COLEC12: variants seen among roughly 807,000 people sequenced by gnomAD.
COLEC12 encodes the protein collectin-12.
Under a neutral mutation model 71.1 loss-of-function variants are expected in COLEC12, and 33 were observed. That is an observed-to-expected ratio of 0.46 (90% CI 0.35 to 0.62). The LOEUF (loss-of-function observed/expected upper bound fraction) is 0.62. Ranked by LOEUF, COLEC12 falls within the 20% of genes least tolerant of loss-of-function variation. The probability of loss-of-function intolerance (pLI) is 0.00; values close to 1 mark genes in which losing one functional copy is unlikely to be tolerated. For missense variants in COLEC12, 765 were observed against 916.1 expected, an observed-to-expected ratio of 0.84 and a Z score of 2.13; for synonymous variants, 350 against 353.0, an observed-to-expected ratio of 0.99 and a Z score of 0.10.
chr18:394,910 A>G (rs1447409943), intron 2 of COLEC12, among the ~76,000 whole-genome samples: 1 of 152,244 alleles, frequency 6.6e-6, no homozygotes, highest in African/African-American at 2.4e-5. Flanking sequence ...TGTTGATGCC[A>G]ACTCAGTAAA....
Position 335,079 on chromosome 18 carries a change from G to A in COLEC12, c.1479C>T (p.Pro493=), listed in dbSNP as rs770196943. The stretch of plus-strand genomic sequence containing the variant: ...TAGATCCTTTGCCGCCACGCTCTCC[G>A]GGGGGACCAGCTGGTCCAATTGGGC... The part of the protein sequence containing the change: ...ERGPIGPAGP[P]GERGGKGSKG... Residue 493 remains proline, a synonymous_variant, in exon 6 of 10, where the codon CCC becomes CCT. Transcript: ENST00000400256. 1.8e-5 allele frequency: 29 copies of A among 1,610,104 alleles called. No homozygotes were observed. Among genetic ancestry groups the A allele is most frequent in the Admixed American group, 6.7e-5 (4 of 59,358 alleles).
intron 2 of COLEC12, among the ~76,000 whole-genome samples, chr18:436,356 T>C (rs1381305339): frequency 3.3e-5 from 5 of 151,794 alleles, no homozygotes; most frequent in Non-Finnish European, 5.9e-5. Flanking sequence ...AATAAAAATA[T>C]GAAAATTAGC....
intron 2 of COLEC12, among the ~76,000 whole-genome samples, chr18:443,055 G>GT (rs1567909508): frequency 1.3e-5 from 2 of 152,188 alleles, no homozygotes; most frequent in Non-Finnish European, 2.9e-5. Context: ...TTTCACTAAT[G>GT]TGTCAAGACT....
intron 2 of COLEC12, among the ~76,000 whole-genome samples, chr18:396,740 C>T (rs946871352): frequency 1.3e-5 from 2 of 152,234 alleles, no homozygotes; most frequent in Non-Finnish European, 2.9e-5. Flanking sequence ...ATGCAGCCGC[C>T]TTGGCAAGAG....
In COLEC12 at chr18:318,508, T is replaced by TC. The variant is rs2143391211; in HGVS notation, c.*1536_*1537insG. 1 of 148,430 alleles carries TC rather than the reference T, an allele frequency of 6.7e-6. No individual in the cohort carries two copies. The highest frequency in any genetic ancestry group is 2.2e-4 in the South Asian group (1 of 4,500). The allele number at this position is 148,430 out of a possible 1,614,324, so 9.2% of individuals were successfully genotyped here. ...GAAAGGTTTTTTTTTTTTTTTTTTT[T>TC]TTGAGATGGAGTCTTGCTCTGTCAC... On this transcript the variant is annotated 3_prime_UTR_variant, in exon 10 of 10. Coordinates refer to ENST00000400256, the MANE Select transcript of COLEC12 (RefSeq NM_130386.3).
At chr18:477,149 C>T (rs143521681) in intron 2 of COLEC12, among the ~76,000 whole-genome samples, 23 of 152,328 alleles carry the variant, frequency 1.5e-4, no homozygotes, top group African/African-American at 4.6e-4. Flanking sequence ...GGGGTGACTG[C>T]ACCAAATACA....
intron 2 of COLEC12, among the ~76,000 whole-genome samples, chr18:374,504 T>C (rs937611260): frequency 6.6e-6 from 1 of 152,178 alleles, no homozygotes; most frequent in Non-Finnish European, 1.5e-5. Context: ...TGTTTGGGCA[T>C]GATTTCAGGA....
At chr18:463,662 C>A (rs114652513) in intron 2 of COLEC12, among the ~76,000 whole-genome samples, 2 of 152,086 alleles carry the variant, frequency 1.3e-5, no homozygotes, top group South Asian at 4.1e-4. Flanking sequence ...TCAGAGCCAG[C>A]GACATCTCGG....
At chr18:483,690 C>T (rs1301069013) in intron 1 of COLEC12, among the ~76,000 whole-genome samples, 1 of 152,222 alleles carries the variant, frequency 6.6e-6, no homozygotes, top group African/African-American at 2.4e-5. Context: ...AGTCCATGCT[C>T]TGTTCCTGCT....
In COLEC12 at chr18:422,319, C is replaced by T. The variant is rs555490092; in HGVS notation, c.58+58388G>A. Among the ~76,000 whole-genome samples, 11 of 152,296 alleles carry T rather than the reference C, an allele frequency of 7.2e-5. 2 individuals carry two copies. Among genetic ancestry groups the T allele is most frequent in the African/African-American group, 2.4e-4 (10 of 41,552 alleles). On this transcript the variant is annotated intron_variant, in intron 2 of 9. Coordinates refer to ENST00000400256, the MANE Select transcript of COLEC12 (RefSeq NM_130386.3). ...CCGACGGCCTCTTTTAGCAATACAT[C>T]CAGACCATGCTCTCTTTCCTAAGCC... is the stretch of plus-strand genomic sequence containing the variant.
intron 2 of COLEC12, among the ~76,000 whole-genome samples, chr18:469,575 C>A (rs749092736): frequency 5.9e-5 from 9 of 152,130 alleles, no homozygotes; most frequent in Non-Finnish European, 1.3e-4. Context: ...GAGGTGCATA[C>A]ATCTCCCAAG....
Position 362,771 on chromosome 18 carries a change from A to G in COLEC12, c.59-5249T>C, listed in dbSNP as rs1015871815. On this transcript the variant is annotated intron_variant, in intron 2 of 9. Coordinates refer to ENST00000400256, the MANE Select transcript of COLEC12 (RefSeq NM_130386.3). The surrounding 1 kb of genome is among the most constrained non-coding windows in gnomAD (Gnocchi z 4.6). ...CAGGCAGCAAGGACCTGAAGGGTGC[A>G]TGCCTTTCCGCTGCTTTTCCCTCTT... Among the ~76,000 whole-genome samples the G allele has an allele frequency of 2.0e-5, 3 of 152,200 alleles. No individual in the cohort carries two copies. The highest frequency in any genetic ancestry group is 2.4e-5 in the African/African-American group (1 of 41,442).
chr18:456,223 C>T (rs910239698), intron 2 of COLEC12, among the ~76,000 whole-genome samples: 1 of 152,226 alleles, frequency 6.6e-6, no homozygotes, highest in African/African-American at 2.4e-5. Flanking sequence ...TAAAACCCAA[C>T]AGGCACACTG....
chr18:352,949 G>A (rs749563334), intron 3 of COLEC12, among the ~76,000 whole-genome samples: 31 of 152,282 alleles, frequency 2.0e-4, no homozygotes, highest in Admixed American at 3.3e-4. Flanking sequence ...CTCCTGTATT[G>A]GGAATTGTTT....
At chr18:455,275 ACGC>A (rs1390840573) in intron 2 of COLEC12, among the ~76,000 whole-genome samples, 2 of 143,236 alleles carry the variant, frequency 1.4e-5, no homozygotes, top group Non-Finnish European at 3.0e-5. Flanking sequence ...GTTTTATTTT[ACGC>A]TTTTTTTTTT....
intron 3 of COLEC12, among the ~76,000 whole-genome samples, chr18:353,230 G>T (rs1336923980): frequency 6.6e-6 from 1 of 152,048 alleles, no homozygotes; most frequent in African/African-American, 2.4e-5. Context: ...ACACCAACTC[G>T]ATCTTTATTT....
At chr18:381,598 T>C (rs570114065) in intron 2 of COLEC12, among the ~76,000 whole-genome samples, 1 of 152,364 alleles carries the variant, frequency 6.6e-6, no homozygotes, top group East Asian at 1.9e-4. Context: ...TTTAAGTGTA[T>C]ATATTCTTTG....
At chr18:432,296 A>C (rs563997524) in intron 2 of COLEC12, among the ~76,000 whole-genome samples, 18 of 152,336 alleles carry the variant, frequency 1.2e-4, no homozygotes, top group African/African-American at 4.3e-4. Context: ...CTAAAACAAT[A>C]TTATCATCAG....
Position 480,029 on chromosome 18 carries a change from C to T in COLEC12, c.58+678G>A, listed in dbSNP as rs1240077099. Among the ~76,000 whole-genome samples the T allele has an allele frequency of 6.6e-6, 1 of 152,210 alleles. No individual in the cohort carries two copies. The highest frequency in any genetic ancestry group is 1.5e-5 in the Non-Finnish European group (1 of 68,032). ...CCAGAGAACATAACAAAAATCTCTGCTTCCATCCTCACATCACCTTCTCTC... is the reference window on the plus strand; with the variant it reads ...CCAGAGAACATAACAAAAATCTCTGTTTCCATCCTCACATCACCTTCTCTC... On this transcript the variant is annotated intron_variant, in intron 2 of 9. Coordinates refer to ENST00000400256, the MANE Select transcript of COLEC12 (RefSeq NM_130386.3). This position sits in a 1 kb window ranked among gnomAD's most constrained non-coding sequence, Gnocchi z 4.1.
Sources: allele counts gnomAD v4.1 joint callset (sites outside exome capture counted in the v4.1 genomes callset), GRCh38; gene constraint gnomAD v4.1.1; non-coding constraint Gnocchi (gnomAD v3.1); transcripts MANE v1.5; gene names NCBI Gene and HGNC (gene_info 2026-07-23, HGNC 2026-07-21).